The following NOX4 variants were observed in gnomAD, a reference collection of about 807,000 sequenced individuals.
The protein encoded by NOX4 is NADPH oxidase 4.
NOX4 carries 69 observed loss-of-function variants against 87.6 expected under a neutral mutation model. The ratio of observed to expected loss-of-function variants is 0.79; its 90% CI spans 0.65 to 0.96. NOX4 has a LOEUF of 0.96. Ranked by LOEUF, NOX4 falls within the 40% of genes least tolerant of loss-of-function variation. The pLI is 0.00. For missense variants in NOX4, 680 were observed against 681.5 expected (o/e 1.00, Z 0.02); for synonymous variants, 275 against 238.2 (o/e 1.15, Z -1.42).
At chr11:89,443,869 G>T in intron 5 of NOX4, 1 of 334,494 alleles carries the variant, frequency 3.0e-6, no homozygotes, top group Non-Finnish European at 5.5e-6. Flanking sequence ...GCTGCTGGGA[G>T]TCAGAGGCAG....
intron 12 of NOX4, among the ~76,000 whole-genome samples, chr11:89,365,257 T>C (rs1938869125): frequency 6.6e-6 from 1 of 152,146 alleles, no homozygotes; most frequent in Non-Finnish European, 1.5e-5. Flanking sequence ...ATTTCTGTGA[T>C]ACTCATTATT....
chr11:89,455,120 C>T (rs1028737221), intron 2 of NOX4, among the ~76,000 whole-genome samples: 6 of 152,030 alleles, frequency 3.9e-5, no homozygotes, highest in Non-Finnish European at 5.9e-5. Context: ...ACAGGTCTTG[C>T]GTTTCATCTT....
upstream of NOX4, among the ~76,000 whole-genome samples, chr11:89,496,711 A>G (rs1442038735): frequency 6.6e-6 from 1 of 152,210 alleles, no homozygotes; most frequent in Non-Finnish European, 1.5e-5. Context: ...TGTTTATTAA[A>G]GAAAATTCAT....
At chr11:89,499,831 A>G (rs1946998602), upstream of NOX4, among the ~76,000 whole-genome samples, 1 of 150,068 alleles carries the variant, frequency 6.7e-6, no homozygotes, top group African/African-American at 2.5e-5. Context: ...TCATTATTTA[A>G]TCAGTGGATA....
chr11:89,358,281 G>T (rs1938229919), intron 12 of NOX4, among the ~76,000 whole-genome samples: 1 of 151,222 alleles, frequency 6.6e-6, no homozygotes, highest in South Asian at 2.1e-4. Flanking sequence ...AGCTACTCAG[G>T]AGGCTGAGGC....
At chr11:89,454,058 A>G (rs1945081389) in intron 2 of NOX4, among the ~76,000 whole-genome samples, 2 of 152,110 alleles carry the variant, frequency 1.3e-5, no homozygotes, top group African/African-American at 4.8e-5. Flanking sequence ...TTTGAGAAGT[A>G]CTAGACAAGG....
At chr11:89,337,606 A>G (rs1398300522) in intron 15 of NOX4, 91 bp from the exon 16 acceptor site, 9 of 1,547,046 alleles carry the variant, frequency 5.8e-6, no homozygotes, top group Non-Finnish European at 7.9e-6. Context: ...TCTAGAATTT[A>G]ACACAACCTA....
the NOX4 span, among the ~76,000 whole-genome samples, chr11:89,510,872 A>G: frequency 6.6e-6 from 1 of 152,002 alleles, no homozygotes; most frequent in South Asian, 2.1e-4. Context: ...ACAAATCTAC[A>G]TAAGACTGCC....
At chr11:89,370,732 G>C (rs572304776) in intron 12 of NOX4, among the ~76,000 whole-genome samples, 1 of 151,994 alleles carries the variant, frequency 6.6e-6, no homozygotes, top group Non-Finnish European at 1.5e-5. Flanking sequence ...AACTTTAACA[G>C]GTCTTCCACG....
At chr11:89,460,002 T>C (rs1406892736) in intron 2 of NOX4, among the ~76,000 whole-genome samples, 1 of 151,946 alleles carries the variant, frequency 6.6e-6, no homozygotes, top group Non-Finnish European at 1.5e-5. Context: ...TCAGAAATAA[T>C]ACCACACATC....
In NOX4 at chr11:89,346,591, T is replaced by G. The variant is rs1405088322; in HGVS notation, c.1218-4398A>C. On this transcript the variant is annotated intron_variant, in intron 13 of 17. Transcript: ENST00000263317. ...TAACAAAGAAAGAAAGATGGAGAATTACCTGTGCTTAATCTATCTCCAGAA... is the reference window on the plus strand; with the variant it reads ...TAACAAAGAAAGAAAGATGGAGAATGACCTGTGCTTAATCTATCTCCAGAA... 5.5e-5 allele frequency among the ~76,000 whole-genome samples: 3 copies of G among 54,094 alleles called. No individual in the cohort carries two copies. In the African/African-American group the frequency reaches 7.9e-4, roughly 14 times the overall value. 35.5% of individuals were successfully genotyped at this position (54,094 alleles called of 152,430 possible).
At chr11:89,572,654 A>G in the NOX4 span, among the ~76,000 whole-genome samples, 3 of 152,194 alleles carry the variant, frequency 2.0e-5, no homozygotes, top group African/African-American at 4.8e-5. Flanking sequence ...GGTTCACGCC[A>G]TTCTCCTGCC....
chr11:89,458,881 T>C (rs1311944521), intron 2 of NOX4, among the ~76,000 whole-genome samples: 1 of 152,200 alleles, frequency 6.6e-6, no homozygotes, highest in East Asian at 1.9e-4. Context: ...TCAGCCCCTG[T>C]GGAAAATAGT....
the NOX4 span, among the ~76,000 whole-genome samples, chr11:89,526,985 C>A: frequency 7.9e-5 from 12 of 152,086 alleles, no homozygotes; most frequent in Non-Finnish European, 5.9e-5. Flanking sequence ...TGGCTTTGAC[C>A]AAAATGCTGA....
At chr11:89,349,496 A>G (rs1946363531) in intron 13 of NOX4, among the ~76,000 whole-genome samples, 1 of 152,112 alleles carries the variant, frequency 6.6e-6, no homozygotes, top group East Asian at 1.9e-4. Context: ...TTTGCAGTTT[A>G]AGGGTATTAC....
chr11:89,444,228 C>G lies in NOX4; in HGVS notation c.354G>C (p.Val118=). 6.2e-7 allele frequency: 1 copy of G among 1,613,138 alleles called. No homozygotes were observed. The part of the protein sequence containing the change: ...CGVTICIFSG[V]HVAAHLVNAL... The stretch of plus-strand genomic sequence containing the variant: ...CATTCACCAGATGGGCAGCCACATG[C>G]ACGCCTACAGAATTACACCAGGGGT... Residue 118 remains valine, a synonymous_variant, in exon 5 of 18, where the codon GTG becomes GTC. Coordinates refer to ENST00000263317, the MANE Select transcript of NOX4 (RefSeq NM_016931.5).
At chr11:89,488,261 T>C (rs1946709442) in intron 2 of NOX4, among the ~76,000 whole-genome samples, 1 of 152,014 alleles carries the variant, frequency 6.6e-6, no homozygotes, top group Admixed American at 6.6e-5. Context: ...CATTTGGTCC[T>C]TTTATCATTT....
At chr11:89,402,642 C>T in intron 8 of NOX4, 100 bp from the exon 9 acceptor site, 3 of 916,882 alleles carry the variant, frequency 3.3e-6, no homozygotes, top group Non-Finnish European at 5.1e-6. Flanking sequence ...TTTTTGTTTG[C>T]TAACTTTACA....
chr11:89,352,983 C>T (rs963478349), intron 13 of NOX4, among the ~76,000 whole-genome samples: 1 of 152,096 alleles, frequency 6.6e-6, no homozygotes, highest in Non-Finnish European at 1.5e-5. Flanking sequence ...CCACAGCTGG[C>T]TAATTTTTGT....
Sources: allele counts gnomAD v4.1 joint callset (sites outside exome capture counted in the v4.1 genomes callset), GRCh38; gene constraint gnomAD v4.1.1; transcripts MANE v1.5; gene names NCBI Gene and HGNC (gene_info 2026-07-23, HGNC 2026-07-21).